ACOXL: variants seen among roughly 807,000 people sequenced by gnomAD.
ACOXL encodes the protein acyl-coenzyme A oxidase-like protein.
A neutral mutation model predicts 71.9 loss-of-function variants in ACOXL; 70 were observed. The observed-to-expected ratio is 0.97, with a 90% confidence interval of 0.80 to 1.19. The LOEUF (loss-of-function observed/expected upper bound fraction) is 1.19, where lower values mean the gene tolerates loss of function less well. Among genes scored for constraint, ACOXL ranks in the 50% most tolerant of loss-of-function variants. The pLI, the probability that ACOXL is intolerant of heterozygous loss-of-function variation, is 0.00. For synonymous variants in ACOXL, 253 were observed against 281.6 expected (o/e 0.90, Z 1.02); for missense variants, 703 against 736.3 (o/e 0.95, Z 0.52).
chr2:111,058,988 C>T (rs2066676767), intron 16 of ACOXL, among the ~76,000 whole-genome samples: 1 of 152,110 alleles, frequency 6.6e-6, no homozygotes, highest in Non-Finnish European at 1.5e-5. Context: ...GCCTATAATC[C>T]CAGCACTTTG....
chr2:110,956,815 A>G (rs1391036673), intron 12 of ACOXL, among the ~76,000 whole-genome samples: 1 of 152,240 alleles, frequency 6.6e-6, no homozygotes, highest in African/African-American at 2.4e-5. Context: ...ACAGCAGGAA[A>G]ATATTAAACT....
chr2:110,968,425 C>G (rs1214650755), intron 12 of ACOXL: 1 of 1,157,946 alleles, frequency 8.6e-7, no homozygotes, highest in African/African-American at 1.5e-5. Context: ...ACACCAGAAG[C>G]ACATCACGGG....
intron 3 of ACOXL, among the ~76,000 whole-genome samples, chr2:110,793,235 T>A (rs1239380990): frequency 6.6e-6 from 1 of 152,188 alleles, no homozygotes; most frequent in Non-Finnish European, 1.5e-5. Flanking sequence ...TCCACCTTCC[T>A]GTAAGGAAAC....
chr2:111,020,111 C>T (rs1238630187), intron 14 of ACOXL, among the ~76,000 whole-genome samples: 4 of 152,216 alleles, frequency 2.6e-5, no homozygotes, highest in South Asian at 2.1e-4. Flanking sequence ...CCACCTGCCT[C>T]GGCCTTCCAA....
At chr2:110,940,117 C>T (rs2060814305) in intron 12 of ACOXL, among the ~76,000 whole-genome samples, 1 of 152,174 alleles carries the variant, frequency 6.6e-6, no homozygotes, top group South Asian at 2.1e-4. Context: ...TTTTATGAAA[C>T]AGTACCGGCC....
At chr2:111,101,045 A>C (rs1159622850) in intron 17 of ACOXL, 1 of 152,660 alleles carries the variant, frequency 6.6e-6, no homozygotes, top group Non-Finnish European at 1.5e-5. Context: ...AGACATTGCC[A>C]ATGGCATCTT....
At chr2:110,949,641 A>T (rs1471353032) in intron 12 of ACOXL, among the ~76,000 whole-genome samples, 1 of 151,834 alleles carries the variant, frequency 6.6e-6, no homozygotes. Context: ...ATCAGCTCTT[A>T]TTTTTTTTTA....
intron 9 of ACOXL, among the ~76,000 whole-genome samples, chr2:110,818,515 GTA>G (rs1313258105): frequency 3.2e-4 from 5 of 15,622 alleles, no homozygotes; most frequent in African/African-American, 3.7e-4. Context: ...ATATATATGT[GTA>G]TGTGTGTATA....
At chr2:110,746,461 A>G (rs911433562) in intron 1 of ACOXL, among the ~76,000 whole-genome samples, 1 of 151,970 alleles carries the variant, frequency 6.6e-6, no homozygotes, top group Admixed American at 6.6e-5. Context: ...CGCCATGTCC[A>G]CCTTCCTACT....
intron 2 of ACOXL, among the ~76,000 whole-genome samples, chr2:110,778,306 A>G (rs532697096): frequency 1.3e-5 from 2 of 152,376 alleles, no homozygotes; most frequent in South Asian, 4.1e-4. Context: ...CTCATTATCA[A>G]AAATGATGCA....
intron 10 of ACOXL, among the ~76,000 whole-genome samples, chr2:110,852,121 G>C (rs932724818): frequency 1.3e-5 from 2 of 152,212 alleles, no homozygotes; most frequent in Non-Finnish European, 2.9e-5. Flanking sequence ...TGGCAGGTCT[G>C]CTGGGTGTGG....
chr2:110,999,118 TG>T (rs930975988), intron 14 of ACOXL, among the ~76,000 whole-genome samples: 58 of 152,312 alleles, frequency 3.8e-4, no homozygotes, highest in African/African-American at 1.3e-3. Context: ...CTCACAGTTC[TG>T]GGGGCTGGAA....
At chr2:110,941,134 A>G (rs1047156749) in intron 12 of ACOXL, among the ~76,000 whole-genome samples, 2 of 152,220 alleles carry the variant, frequency 1.3e-5, no homozygotes, top group Admixed American at 6.5e-5. Flanking sequence ...CATAGCCTCA[A>G]TGACTGCTGA....
At chr2:110,950,803 G>C (rs3789118) in intron 12 of ACOXL, among the ~76,000 whole-genome samples, 57,815 of 148,522 alleles carry the variant, frequency 0.39, 11,531 homozygotes, top group East Asian at 0.56. Context: ...GAGGAAGGGT[G>C]GGGGGTGGAG....
chr2:110,840,932 T>TA (rs1286432512), intron 9 of ACOXL, among the ~76,000 whole-genome samples: 2 of 152,108 alleles, frequency 1.3e-5, no homozygotes, highest in Non-Finnish European at 2.9e-5. Context: ...GGGTAGGAGA[T>TA]AGAGGGGGGA....
intron 15 of ACOXL, among the ~76,000 whole-genome samples, chr2:111,042,964 C>T (rs2065853984): frequency 6.6e-6 from 1 of 152,202 alleles, no homozygotes; most frequent in East Asian, 1.9e-4. Context: ...GGCCCATTGC[C>T]ATCCTGGAGG....
rs1558750620 is a variant in ACOXL at position 110,933,566 on chromosome 2, T to C, written c.983T>C (p.Val328Ala). 3 of 1,614,074 alleles carry C rather than the reference T, an allele frequency of 1.9e-6. No individual in the cohort carries two copies. The highest frequency in any genetic ancestry group is 1.7e-5 in the Admixed American group (1 of 60,028). Residue 328 changes from valine (V) to alanine (A), a missense_variant, in exon 12 of 18, where the codon GTG (valine) becomes GCG (alanine). By Grantham distance (64) the Val-to-Ala change is moderately conservative. Transcript: ENST00000439055. ...AACAGTCGCTCGCTGCAGGCTCTGGTGGCGGGGCTGAAGGCCTACAGCACC... is the reference window on the plus strand; with the variant it reads ...AACAGTCGCTCGCTGCAGGCTCTGGCGGCGGGGCTGAAGGCCTACAGCACC... ...LVNSRSLQAL[V>A]AGLKAYSTWE...
At chr2:111,030,950 T>C (rs1240120171) in intron 14 of ACOXL, among the ~76,000 whole-genome samples, 1 of 152,190 alleles carries the variant, frequency 6.6e-6, no homozygotes, top group East Asian at 1.9e-4. Flanking sequence ...CTTATTTTAC[T>C]CTAGTTATAT....
intron 10 of ACOXL, among the ~76,000 whole-genome samples, chr2:110,870,898 G>C (rs1695195299): frequency 6.6e-6 from 1 of 152,160 alleles, no homozygotes; most frequent in African/African-American, 2.4e-5. Flanking sequence ...TGGTTTGAAT[G>C]AGGTCAAAGT....
Sources: gnomAD v4.1 joint callset for allele counts (sites outside exome capture counted in the v4.1 genomes callset) on GRCh38, gnomAD v4.1.1 for gene constraint, MANE v1.5 for transcripts, NCBI Gene and HGNC (gene_info 2026-07-23, HGNC 2026-07-21) for gene names.